Variants in PSG6 observed in about 807,000 individuals in gnomAD.
The protein encoded by PSG6 is pregnancy-specific beta-1-glycoprotein 6.
PSG6 carries 51 observed loss-of-function variants against 43.3 expected under a neutral mutation model. The ratio of observed to expected loss-of-function variants is 1.18; its 90% CI spans 0.94 to 1.49. The LOEUF (loss-of-function observed/expected upper bound fraction) is 1.49. PSG6 is among the 40% of genes most tolerant of loss of function. The pLI is 0.00. For missense variants in PSG6, 770 were observed against 522.2 expected (o/e 1.47, Z -4.62); for synonymous variants, 292 against 197.6 (o/e 1.48, Z -4.01).
At position 42,902,444 on chromosome 19, in the gene PSG6, G is replaced by C. The variant is rs1289082148; in HGVS notation, c.1243C>G (p.Pro415Ala). The C allele has an allele frequency of 2.5e-6, 4 of 1,610,764 alleles. No homozygotes were observed. The African/African-American group carries it at 4.0e-5, about 16-fold the overall frequency. The change falls in exon 6 of 6, where the codon CCC (proline) becomes GCC (alanine). Residue 415 changes from proline (P) to alanine (A), a missense_variant and splice_region_variant. Physicochemically the swap from Pro to Ala is conservative, Grantham distance 27. Transcript: ENST00000187910. ...GACTCTGTCTGGTTTCCATGGCAGGGACCTGATTGACAGAAGGCCCAGGTC... is the reference window on the plus strand; with the variant it reads ...GACTCTGTCTGGTTTCCATGGCAGGCACCTGATTGACAGAAGGCCCAGGTC... ...SKSMIVKVSG[P>A]CHGNQTESH
At chr19:42,906,436 C>T (rs770053084) in intron 5 of PSG6, among the ~76,000 whole-genome samples, 12 of 151,472 alleles carry the variant, frequency 7.9e-5, no homozygotes, top group African/African-American at 1.5e-4. Context: ...CAGAGGAGCC[C>T]GGAGCAGAGC....
chr19:42,908,351 G>A (rs1358982505), intron 3 of PSG6, among the ~76,000 whole-genome samples: 1 of 151,758 alleles, frequency 6.6e-6, no homozygotes, highest in African/African-American at 2.4e-5. Flanking sequence ...CCTGGCCTGG[G>A]ACTGGATGTT....
rs552306559 is a variant in PSG6 at position 42,913,690 on chromosome 19, A to G, written c.427+2435T>C. 2.0e-5 allele frequency among the ~76,000 whole-genome samples: 3 copies of G among 151,854 alleles called. No individual in the cohort carries two copies. In the South Asian group the frequency reaches 6.3e-4, roughly 32 times the overall value. On this transcript the variant is annotated intron_variant, in intron 2 of 5. Transcript: ENST00000187910. Reference sequence around the variant, plus strand: ...CTCCTATAGATAACATCACTATTGTAGAACGTGAGATTGGTCTTTTGAAAT... The same window carrying G: ...CTCCTATAGATAACATCACTATTGTGGAACGTGAGATTGGTCTTTTGAAAT...
rs971983580 is a variant in PSG6, at chr19:42,906,931, T to C, written c.1231A>G (p.Lys411Glu). ...GCTGGGATCCACTTACCAGAGACTT[T>C]GACTATCATGGATTTGGAGATTTCC... ...GKEISKSMIV[K>E]VSGPCHGNQT... Residue 411 changes from lysine (K) to glutamate (E), a missense_variant, in exon 5 of 6, where the codon AAA becomes GAA. By Grantham distance (56) the Lys-to-Glu change is moderately conservative. Coordinates refer to ENST00000187910, the MANE Select transcript of PSG6 (RefSeq NM_001031850.4). The C allele has an allele frequency of 3.1e-6, 5 of 1,612,188 alleles. No homozygotes were observed. The highest frequency in any genetic ancestry group is 1.3e-5 in the African/African-American group (1 of 74,680).
chr19:42,910,738 C>G lies in PSG6; in HGVS notation c.548G>C (p.Gly183Ala), dbSNP rs116433230. The G allele has an allele frequency of 6.2e-7, 1 of 1,612,316 alleles. No individual in the cohort carries two copies. Among genetic ancestry groups the G allele is most frequent in the South Asian group, 1.1e-5 (1 of 90,604 alleles). ...PDASYLWLLN[G>A]QNLPMTHRLQ... The stretch of plus-strand genomic sequence containing the variant: ...CCTGTGAGTCATAGGGAGGTTCTGA[C>G]CATTCAGCAACCACAGGTAGCTTGC... The change falls in exon 3 of 6, where the codon GGT becomes GCT. Residue 183 changes from glycine to alanine, a missense_variant. Physicochemically the swap from Gly to Ala is moderately conservative, Grantham distance 60. Transcript: ENST00000187910.
chr19:42,916,328 A>T lies in PSG6; in HGVS notation c.224T>A (p.Leu75His), dbSNP rs778559294. The T allele has an allele frequency of 4.3e-6, 7 of 1,612,202 alleles. No individual in the cohort carries two copies. The highest frequency in any genetic ancestry group is 2.2e-5 in the South Asian group (2 of 90,628). The change falls in exon 2 of 6, where the codon CTC becomes CAC. Residue 75 changes from leucine to histidine, a missense_variant. Coordinates refer to ENST00000187910, the MANE Select transcript of PSG6 (RefSeq NM_001031850.4). ...YIWYKGQMTD[L>H]YHYITSYVVH... is the part of the protein sequence containing the mutation. Reference sequence around the variant, plus strand: ...TACATATGATGTAATGTAATGGTAGAGGTCCGTCATTTGCCCTTTGTACCA... The same window carrying T: ...TACATATGATGTAATGTAATGGTAGTGGTCCGTCATTTGCCCTTTGTACCA...
At chr19:42,911,063 T>A (rs57531963) in intron 2 of PSG6, among the ~76,000 whole-genome samples, 11 of 151,402 alleles carry the variant, frequency 7.3e-5, no homozygotes, top group African/African-American at 2.7e-4. Context: ...AGGAGAAGCA[T>A]GGACTTTCTC....
intron 2 of PSG6, among the ~76,000 whole-genome samples, chr19:42,914,660 G>A (rs1441311134): frequency 6.6e-6 from 1 of 151,466 alleles, no homozygotes. Context: ...ACAAGGGACA[G>A]GTGTGGCTAG....
chr19:42,913,847 G>T (rs1257766705), intron 2 of PSG6, among the ~76,000 whole-genome samples: 1 of 151,462 alleles, frequency 6.6e-6, no homozygotes, highest in Non-Finnish European at 1.5e-5. Flanking sequence ...CCGCCCGCAT[G>T]ATTCCATCAC....
chr19:42,916,003 C>T lies in PSG6; in HGVS notation c.427+122G>A, dbSNP rs965181239. Reference sequence around the variant, plus strand: ...GTGTGTCCTGCACTAAATGCCCAAACCCCAGCATGGGACATAATGCAGAGA... The same window carrying T: ...GTGTGTCCTGCACTAAATGCCCAAATCCCAGCATGGGACATAATGCAGAGA... On this transcript the variant is annotated intron_variant, in intron 2 of 5. Coordinates refer to ENST00000187910, the MANE Select transcript of PSG6 (RefSeq NM_001031850.4). 54 of 1,525,954 alleles carry T rather than the reference C, an allele frequency of 3.5e-5. 1 individual carries two copies. In the African/African-American group the frequency reaches 6.0e-4, roughly 17 times the overall value. The allele number at this position is 1,525,954 out of a possible 1,614,324, so 94.5% of individuals were successfully genotyped here. A position where few individuals can be genotyped will look rare whatever the true frequency, so the allele number is the denominator to read the frequency against.
Position 42,910,612 on chromosome 19 carries a change from C to T in PSG6, c.674G>A (p.Ser225Asn), listed in dbSNP as rs769775824. Residue 225 changes from serine to asparagine, a missense_variant, in exon 3 of 6, where the codon AGC becomes AAC. Physicochemically the swap from Ser to Asn is conservative, Grantham distance 46. Transcript: ENST00000187910. ...ECEIRNPVSA[S>N]RSDPVTLNLL... ...ATTCAGGGTGACTGGGTCACTGCGG[C>T]TGGCACTCACTGGGTTCCGTATTTC... 1.2e-6 allele frequency: 2 copies of T among 1,612,500 alleles called. No homozygotes were observed. The highest frequency in any genetic ancestry group is 1.7e-5 in the Admixed American group (1 of 59,938).
At chr19:42,905,327 C>T (rs895155086) in intron 5 of PSG6, among the ~76,000 whole-genome samples, 1 of 151,652 alleles carries the variant, frequency 6.6e-6, no homozygotes, top group Non-Finnish European at 1.5e-5. Context: ...ATCACGAATA[C>T]TTAGAGATAT....
intron 3 of PSG6, chr19:42,910,214 G>T: frequency 2.4e-6 from 1 of 423,012 alleles, no homozygotes; most frequent in Non-Finnish European, 4.3e-6. Context: ...TATTGTCAGA[G>T]GGAAGGGAAA....
intron 2 of PSG6, 152 bp from the exon 3 acceptor site, chr19:42,911,010 G>A: frequency 4.9e-6 from 7 of 1,437,364 alleles, no homozygotes; most frequent in South Asian, 1.5e-5. Flanking sequence ...CAGATGCATG[G>A]CAACCTGAGG....
intron 4 of PSG6, among the ~76,000 whole-genome samples, 186 bp downstream of exon 4, chr19:42,907,390 T>A (rs566088561): frequency 6.6e-6 from 1 of 151,944 alleles, no homozygotes; most frequent in East Asian, 1.9e-4. Context: ...AGAGCGCCCC[T>A]CCCCTTATAT....
chr19:42,914,886 T>C (rs1730620285), intron 2 of PSG6, among the ~76,000 whole-genome samples: 1 of 151,636 alleles, frequency 6.6e-6, no homozygotes, highest in Non-Finnish European at 1.5e-5. Context: ...ACACAGGATT[T>C]CACATTCAGT....
intron 5 of PSG6, chr19:42,903,736 A>C (rs776834103): frequency 9.2e-6 from 14 of 1,521,632 alleles, no homozygotes; most frequent in East Asian, 2.5e-5. Context: ...AAAAAAAAAA[A>C]AAACCAATTA....
rs1465246671 is a variant in PSG6, at chr19:42,907,748, A to C, written c.813T>G (p.Ile271Met). 1.9e-6 allele frequency: 3 copies of C among 1,610,622 alleles called. No homozygotes were observed. The highest frequency in any genetic ancestry group is 2.7e-5 in the African/African-American group (2 of 74,630). ...CEPKSRNYTY[I>M]WWLNGQSLPV... ...GGAGGCTCTGACCATTTAGCCACCA[A>C]ATGTAGGTGTAGTTCCGACTCTTAG... is the stretch of plus-strand genomic sequence containing the variant. The change falls in exon 4 of 6, where the codon ATT becomes ATG. Residue 271 changes from isoleucine (I) to methionine (M), a missense_variant. By Grantham distance (10) the Ile-to-Met change is conservative (BLOSUM62 1). Transcript: ENST00000187910.
chr19:42,910,230 G>C (rs1470094582), intron 3 of PSG6: 1 of 459,232 alleles, frequency 2.2e-6, no homozygotes, highest in Non-Finnish European at 4.0e-6. Context: ...GGAAAATCCT[G>C]GTCTGTGGAA....
Sources: allele counts gnomAD v4.1 joint callset (sites outside exome capture counted in the v4.1 genomes callset), GRCh38; gene constraint gnomAD v4.1.1; transcripts MANE v1.5; gene names NCBI Gene and HGNC (gene_info 2026-07-23, HGNC 2026-07-21).